The following PFKFB3 variants were observed in gnomAD, a reference collection of about 807,000 sequenced individuals.
PFKFB3 encodes the protein 6-phosphofructo-2-kinase/fructose-2,6-biphosphatase 3.
In PFKFB3, 33 loss-of-function variants were observed where a neutral mutation model predicts 68.0. The ratio of observed to expected loss-of-function variants is 0.49; its 90% CI spans 0.37 to 0.65. The LOEUF is 0.65. Among genes scored for constraint, PFKFB3 ranks in the 30% least tolerant of loss-of-function variants. The pLI, the probability that PFKFB3 is intolerant of heterozygous loss-of-function variation, is 0.00. For synonymous variants in PFKFB3, 315 were observed against 288.2 expected, an observed-to-expected ratio of 1.09 and a Z score of -0.94; for missense variants, 586 against 712.2, an observed-to-expected ratio of 0.82 and a Z score of 2.02.
chr10:6,276,264 G>A, the PFKFB3 span, among the ~76,000 whole-genome samples: 1 of 152,074 alleles, frequency 6.6e-6, no homozygotes, highest in African/African-American at 2.4e-5. Context: ...CAGAAACATG[G>A]CCTAGAATGG....
chr10:6,250,558 G>C (rs990288021), intron 14 of PFKFB3, among the ~76,000 whole-genome samples: 1 of 146,240 alleles, frequency 6.8e-6, no homozygotes, highest in Non-Finnish European at 1.5e-5. Flanking sequence ...GCGACAGAGC[G>C]AGACTCGGTC....
chr10:6,289,697 G>A, the PFKFB3 span, among the ~76,000 whole-genome samples: 1 of 152,038 alleles, frequency 6.6e-6, no homozygotes, highest in Non-Finnish European at 1.5e-5. Context: ...GGCTCTTTTT[G>A]GTTCCATATG....
intron 14 of PFKFB3, among the ~76,000 whole-genome samples, chr10:6,252,717 G>T (rs540445693): frequency 6.6e-6 from 1 of 152,252 alleles, no homozygotes; most frequent in African/African-American, 2.4e-5. Context: ...GCAGAGATTT[G>T]AAAATATCTC....
At chr10:6,223,578 T>C (rs1428531143) in intron 11 of PFKFB3, among the ~76,000 whole-genome samples, 1 of 152,192 alleles carries the variant, frequency 6.6e-6, no homozygotes, top group Non-Finnish European at 1.5e-5. Context: ...AGGGTCCTTG[T>C]TGGGGGGACC....
chr10:6,153,761 A>C (rs890863209), intron 1 of PFKFB3, among the ~76,000 whole-genome samples: 2 of 152,012 alleles, frequency 1.3e-5, no homozygotes, highest in Non-Finnish European at 2.9e-5. Flanking sequence ...AGGCTGAGGC[A>C]GGAGAATTGC....
rs1844500010 is a variant in PFKFB3, at chr10:6,215,354, G to C, written c.299+37G>C. On this transcript the variant is annotated intron_variant, in intron 3 of 14. Coordinates refer to ENST00000379775, the MANE Select transcript of PFKFB3 (RefSeq NM_004566.4). This position sits in a 1 kb window ranked among gnomAD's most constrained non-coding sequence, Gnocchi z 4.3. Reference sequence around the variant, plus strand: ...CCGCGGGCGTAGGGCTGGGCTGTGGGAATAAGGCTGGGCCGCGGGCATAAG... The same window carrying C: ...CCGCGGGCGTAGGGCTGGGCTGTGGCAATAAGGCTGGGCCGCGGGCATAAG... 9.2e-6 allele frequency: 14 copies of C among 1,524,986 alleles called. No individual in the cohort carries two copies. The highest frequency in any genetic ancestry group is 1.2e-5 in the Non-Finnish European group (13 of 1,101,126). The allele number at this position is 1,524,986 out of a possible 1,614,324, so 94.5% of individuals were successfully genotyped here.
At chr10:6,230,706 C>T (rs1845679475) in intron 14 of PFKFB3, among the ~76,000 whole-genome samples, 1 of 151,730 alleles carries the variant, frequency 6.6e-6, no homozygotes, top group East Asian at 1.9e-4. Context: ...GTCTCAAGGC[C>T]ATGGCCTGAA....
At position 6,229,247 on chromosome 10, in the gene PFKFB3, C is replaced by T. The variant is rs1322837181; in HGVS notation, c.1515+2882C>T. ...GGCCAGAGGATGTACCAGTGTCCTC[C>T]ATGTCCACGTTCCTTAAGACCACCC... On this transcript the variant is annotated intron_variant, in intron 14 of 14. Coordinates refer to ENST00000379775, the MANE Select transcript of PFKFB3 (RefSeq NM_004566.4). This position sits in a 1 kb window ranked among gnomAD's most constrained non-coding sequence, Gnocchi z 4.3. 1 of 473,616 alleles carries T rather than the reference C, an allele frequency of 2.1e-6. No homozygotes were observed. Among genetic ancestry groups the T allele is most frequent in the Admixed American group, 2.3e-5 (1 of 42,862 alleles). The allele number at this position is 473,616 out of a possible 1,614,324, so 29.3% of individuals were successfully genotyped here. A position where few individuals can be genotyped will look rare whatever the true frequency, so the allele number is the denominator to read the frequency against.
At chr10:6,203,360 G>C (rs746209372) in intron 1 of PFKFB3, 24 bp downstream of exon 1, 1 of 1,568,382 alleles carries the variant, frequency 6.4e-7, no homozygotes, top group Non-Finnish European at 8.7e-7. Flanking sequence ...CGCGGAGCCG[G>C]GTTGCAGGGC....
chr10:6,165,884 C>G (rs1315361379), intron 1 of PFKFB3, among the ~76,000 whole-genome samples: 2 of 151,688 alleles, frequency 1.3e-5, no homozygotes, highest in Non-Finnish European at 2.9e-5. Flanking sequence ...GTGCTATCTC[C>G]GCTCACTGCA....
chr10:6,279,371 T>C, the PFKFB3 span, among the ~76,000 whole-genome samples: 2 of 152,230 alleles, frequency 1.3e-5, no homozygotes, highest in Admixed American at 6.5e-5. Context: ...TGAAATGTTC[T>C]TTTCTGTGCC....
At chr10:6,273,329 C>A in the PFKFB3 span, among the ~76,000 whole-genome samples, 7 of 152,280 alleles carry the variant, frequency 4.6e-5, no homozygotes, top group East Asian at 7.7e-4. Flanking sequence ...TTTCCCCGTT[C>A]CTCTTCTGGG....
chr10:6,301,436 G>T, the PFKFB3 span, among the ~76,000 whole-genome samples: 1 of 152,116 alleles, frequency 6.6e-6, no homozygotes, highest in South Asian at 2.1e-4. Flanking sequence ...CTTAAAAACT[G>T]TTGAGCATTG....
At chr10:6,307,333 AC>A in the PFKFB3 span, among the ~76,000 whole-genome samples, 3 of 117,446 alleles carry the variant, frequency 2.6e-5, no homozygotes, top group African/African-American at 8.8e-5. Flanking sequence ...TGCGTACTAC[AC>A]ACACACACAC....
At chr10:6,255,970 G>A (rs117565940), downstream of PFKFB3, among the ~76,000 whole-genome samples, 946 of 152,282 alleles carry the variant, frequency 6.2e-3, 11 homozygotes, top group Non-Finnish European at 0.011. Context: ...AGCATTAGCC[G>A]CGTGCTTCAG....
chr10:6,236,356 A>G (rs543827296), downstream of PFKFB3, among the ~76,000 whole-genome samples: 9 of 152,344 alleles, frequency 5.9e-5, no homozygotes, highest in South Asian at 1.7e-3. Context: ...GGCAAACACC[A>G]TGCGTGGAGG....
At chr10:6,196,694 T>C (rs11257193) in intron 1 of PFKFB3, among the ~76,000 whole-genome samples, 5,072 of 152,160 alleles carry the variant, frequency 0.033, 243 homozygotes, top group African/African-American at 0.11. Context: ...TTAGATGGTG[T>C]CCACCCAGAC....
chr10:6,266,006 G>A, the PFKFB3 span, among the ~76,000 whole-genome samples: 1 of 151,946 alleles, frequency 6.6e-6, no homozygotes, highest in African/African-American at 2.4e-5. Flanking sequence ...GACCTCCTGC[G>A]CTCAAGGAAT....
upstream of PFKFB3, among the ~76,000 whole-genome samples, chr10:6,199,454 G>A (rs1410501981): frequency 6.6e-6 from 1 of 151,230 alleles, no homozygotes; most frequent in Non-Finnish European, 1.5e-5. Context: ...AGTGAATTCA[G>A]CTATGTGAGC....
Sources: allele counts gnomAD v4.1 joint callset (sites outside exome capture counted in the v4.1 genomes callset), GRCh38; gene constraint gnomAD v4.1.1; non-coding constraint Gnocchi (gnomAD v3.1); transcripts MANE v1.5; gene names NCBI Gene and HGNC (gene_info 2026-07-23, HGNC 2026-07-21).